Variants in ALOX15B observed in about 807,000 individuals in gnomAD.
ALOX15B encodes polyunsaturated fatty acid lipoxygenase ALOX15B.
Under a neutral mutation model 73.8 loss-of-function variants are expected in ALOX15B, and 74 were observed. The ratio of observed to expected loss-of-function variants is 1.00; its 90% CI spans 0.83 to 1.22. The LOEUF is 1.22. ALOX15B is among the 50% of genes most tolerant of loss of function. The pLI is 0.00. For synonymous variants in ALOX15B, 353 were observed against 357.2 expected, an observed-to-expected ratio of 0.99 and a Z score of 0.13; for missense variants, 896 against 859.9, an observed-to-expected ratio of 1.04 and a Z score of -0.52.
At position 8,039,723 on chromosome 17, in the gene ALOX15B, G is replaced by A. The variant is rs190700969; in HGVS notation, c.367+118G>A. On this transcript the variant is annotated intron_variant, in intron 2 of 13. Transcript: ENST00000380183. ...GAGCTGGTGTGGCCACAGAGTAGCG[G>A]GCAGAGGAGAGGGAATGGCGGAGCC... 4.6e-4 allele frequency: 565 copies of A among 1,240,572 alleles called. 7 individuals carry two copies. The East Asian group carries it at 9.8e-3, about 22-fold the overall frequency. The allele number at this position is 1,240,572 out of a possible 1,614,324, so 76.8% of individuals were successfully genotyped here. A position where few individuals can be genotyped will look rare whatever the true frequency, so the allele number is the denominator to read the frequency against.
In ALOX15B at chr17:8,045,378, C is replaced by A; in HGVS notation, c.990C>A (p.Ala330=). 6.2e-7 allele frequency: 1 copy of A among 1,614,082 alleles called. No homozygotes were observed. Among genetic ancestry groups the A allele is most frequent in the Non-Finnish European group, 8.5e-7 (1 of 1,180,040 alleles). The part of the protein sequence containing the change: ...SPGCGPLLPL[A]IQLSQTPGPN... ...GCTGCGGGCCGCTGCTGCCTCTCGC[C>A]ATCCAGGTATGCAGTCAGGCAGGGG... The change falls in exon 7 of 14, where the codon GCC becomes GCA. Residue 330 remains alanine (A), a synonymous_variant. Coordinates refer to ENST00000380183, the MANE Select transcript of ALOX15B (RefSeq NM_001141.3).
intron 10 of ALOX15B, 69 bp downstream of exon 10, chr17:8,047,145 C>T: frequency 1.9e-6 from 3 of 1,607,710 alleles, no homozygotes; most frequent in Non-Finnish European, 2.6e-6. Flanking sequence ...GAGACTGAGG[C>T]CCCAGGGAGG....
chr17:8,040,583 AAGAGAGAAAGAAAG>A (rs1976414988), intron 3 of ALOX15B, among the ~76,000 whole-genome samples: 1 of 121,924 alleles, frequency 8.2e-6, no homozygotes, highest in African/African-American at 3.3e-5. Flanking sequence ...AAAGGAAGGA[AAGAGAGAAAGAAAG>A]AGAGAGAAAG....
In ALOX15B at chr17:8,046,717, G is replaced by A. The variant is rs542223285; in HGVS notation, c.1250G>A (p.Arg417Gln). ...ACCCTGCACATCAACACACTCGCCC[G>A]GGAGCTGCTTATCGTGCCAGGGCAG... ...RYTLHINTLA[R>Q]ELLIVPGQVV... The change falls in exon 9 of 14, where the codon CGG becomes CAG. Residue 417 changes from arginine to glutamine, a missense_variant. Physicochemically the swap from Arg to Gln is conservative, Grantham distance 43. Coordinates refer to ENST00000380183, the MANE Select transcript of ALOX15B (RefSeq NM_001141.3). The A allele has an allele frequency of 1.4e-4, 226 of 1,613,700 alleles. 6 individuals are homozygous for A. The South Asian group carries it at 2.3e-3, about 16-fold the overall frequency.
Position 8,039,991 on chromosome 17 carries a change from G to T in ALOX15B, c.449+8G>T, listed in dbSNP as rs1197718635. ...CCGGCAGGAGATGTACCAGTGAGGA[G>T]GGGGTTACTGATGGGGGAGGGTGTG... On this transcript the variant is annotated splice_region_variant and intron_variant, in intron 3 of 13. Transcript: ENST00000380183. The T allele has an allele frequency of 6.2e-7, 1 of 1,612,764 alleles. No homozygotes were observed.
chr17:8,047,046 A>G lies in ALOX15B; in HGVS notation c.1427A>G (p.Asp476Gly). The G allele has an allele frequency of 6.2e-7, 1 of 1,613,878 alleles. No homozygotes were observed. The highest frequency in any genetic ancestry group is 8.5e-7 in the Non-Finnish European group (1 of 1,179,984). ...ATCCCAGGCTACTACTACCGTGATG[A>G]TGGGATGCAGATCTGGGGTGCAGTG... ...EDIPGYYYRD[D>G]GMQIWGAVER... is the part of the protein sequence containing the mutation. Residue 476 changes from aspartate (D) to glycine (G), a missense_variant, in exon 10 of 14, where the codon GAT becomes GGT. By Grantham distance (94) the Asp-to-Gly change is moderately conservative. Coordinates refer to ENST00000380183, the MANE Select transcript of ALOX15B (RefSeq NM_001141.3).
chr17:8,042,567 G>A (rs1976491315), intron 4 of ALOX15B, 76 bp downstream of exon 4: 1 of 1,565,604 alleles, frequency 6.4e-7, no homozygotes, highest in African/African-American at 1.3e-5. Flanking sequence ...CCCCTAGTCA[G>A]TTCCCCCACC....
chr17:8,047,518 T>C (rs370551920), intron 11 of ALOX15B, 46 bp from the exon 12 acceptor site: 30 of 1,563,838 alleles, frequency 1.9e-5, no homozygotes, highest in East Asian at 2.3e-5. Context: ...CGCAGCAGGG[T>C]CCTCAGGTCC....
rs767993975 is a variant in ALOX15B at position 8,039,311 on chromosome 17, G to A, written c.147+9G>A. The A allele has an allele frequency of 3.2e-6, 5 of 1,586,902 alleles. No homozygotes were observed. Among genetic ancestry groups the A allele is most frequent in the South Asian group, 1.2e-5 (1 of 86,252 alleles). ...AGTTCACTGCGGGCGCTGTGAGTGCGTGGGAGTGGATGGGGTGGAGGTGAA... is the reference window on the plus strand; with the variant it reads ...AGTTCACTGCGGGCGCTGTGAGTGCATGGGAGTGGATGGGGTGGAGGTGAA... On this transcript the variant is annotated intron_variant, in intron 1 of 13. Coordinates refer to ENST00000380183, the MANE Select transcript of ALOX15B (RefSeq NM_001141.3).
chr17:8,047,599 G>C lies in ALOX15B; in HGVS notation c.1615G>C (p.Val539Leu). The change falls in exon 12 of 14, where the codon GTG (valine) becomes CTG (leucine). Residue 539 changes from valine (V) to leucine (L), a missense_variant. Val to Leu is a conservative substitution (Grantham distance 32). Transcript: ENST00000380183. ...PSSLETREAL[V>L]QYVTMVIFTC... ...CTCACTGGAGACCCGGGAAGCCCTG[G>C]TGCAGTATGTCACCATGGTGATATT... 1 of 1,610,006 alleles carries C rather than the reference G, an allele frequency of 6.2e-7. No individual in the cohort carries two copies. The highest frequency in any genetic ancestry group is 8.5e-7 in the Non-Finnish European group (1 of 1,178,088).
intron 7 of ALOX15B, 31 bp downstream of exon 7, chr17:8,045,415 G>A (rs375550194): frequency 2.2e-5 from 36 of 1,613,580 alleles, no homozygotes; most frequent in Non-Finnish European, 3.1e-5. Flanking sequence ...AGGGCAGCGT[G>A]AAGAAGAGTC....
Position 8,039,999 on chromosome 17 carries a change from C to T in ALOX15B, c.449+16C>T. The stretch of plus-strand genomic sequence containing the variant: ...AGATGTACCAGTGAGGAGGGGGTTA[C>T]TGATGGGGGAGGGTGTGCCCAAACG... On this transcript the variant is annotated intron_variant, in intron 3 of 13. Transcript: ENST00000380183. 1.9e-6 allele frequency: 3 copies of T among 1,611,256 alleles called. No individual in the cohort carries two copies.
Position 8,045,488 on chromosome 17 carries a change from C to T in ALOX15B, c.1002C>T (p.Ser334=), listed in dbSNP as rs756436138. 7.4e-6 allele frequency: 12 copies of T among 1,614,152 alleles called. No homozygotes were observed. The Admixed American group carries it at 1.8e-4, about 25-fold the overall frequency. The change falls in exon 8 of 14, where the codon AGC becomes AGT. Residue 334 remains serine (S), a synonymous_variant. Coordinates refer to ENST00000380183, the MANE Select transcript of ALOX15B (RefSeq NM_001141.3). ...GPLLPLAIQL[S]QTPGPNSPIF... ...CCCCACCTGCCTCCCCCCAGCTCAGCCAGACCCCCGGCCCAAACAGCCCCA... is the reference window on the plus strand; with the variant it reads ...CCCCACCTGCCTCCCCCCAGCTCAGTCAGACCCCCGGCCCAAACAGCCCCA...
Position 8,047,258 on chromosome 17 carries a change from C to T in ALOX15B, c.1458C>T (p.Arg486=), listed in dbSNP as rs941528002. 13 of 1,613,962 alleles carry T rather than the reference C, an allele frequency of 8.1e-6. No homozygotes were observed. Among genetic ancestry groups the T allele is most frequent in the African/African-American group, 2.7e-5 (2 of 74,972 alleles). The change falls in exon 11 of 14, where the codon CGC becomes CGT. Residue 486 remains arginine (R), a splice_region_variant and synonymous_variant. Transcript: ENST00000380183. ...DGMQIWGAVE[R]FVSEIIGIYY... is the part of the protein sequence containing the mutation. The stretch of plus-strand genomic sequence containing the variant: ...GGACCTGAACCTGGATGCATTGCAG[C>T]TTTGTCTCTGAAATCATCGGTATCT...
chr17:8,047,774 G>T lies in ALOX15B; in HGVS notation c.1710G>T (p.Leu570=), dbSNP rs754875603. The change falls in exon 13 of 14, where the codon CTG becomes CTT. Residue 570 remains leucine (L), a synonymous_variant. Transcript: ENST00000380183. ...ACTCCTGTGCTTGGATGCCCAACCT[G>T]CCACCCAGCATGCAGCTGCCACCAC... ...QFDSCAWMPN[L]PPSMQLPPPT... is the part of the protein sequence containing the mutation. 29 of 1,613,986 alleles carry T rather than the reference G, an allele frequency of 1.8e-5. No individual in the cohort carries two copies. The Admixed American group carries it at 1.8e-4, about 10-fold the overall frequency.
chr17:8,039,766 G>A (rs555338663), intron 2 of ALOX15B, 136 bp from the exon 3 acceptor site: 2 of 1,186,042 alleles, frequency 1.7e-6, no homozygotes, highest in South Asian at 2.9e-5. Flanking sequence ...GCGGGAGGTA[G>A]CAGCCTGGTG....
At chr17:8,040,623 G>GAAAGAAAGAAAGAA (rs1976426207) in intron 3 of ALOX15B, among the ~76,000 whole-genome samples, 1 of 127,804 alleles carries the variant, frequency 7.8e-6, no homozygotes, top group African/African-American at 2.7e-5. Context: ...AAGAAAGAAA[G>GAAAGAAAGAAAGAA]AAAGAAAGAA....
chr17:8,045,690 A>G lies in ALOX15B; in HGVS notation c.1200+4A>G, dbSNP rs1271837503. ...CCACTGCCACCCTCTCTTCAAGGTC[A>G]GTGGCTTGACAAGGTGGCCCAGCCT... is the stretch of plus-strand genomic sequence containing the variant. On this transcript the variant is annotated splice_donor_region_variant and intron_variant, in intron 8 of 13. Coordinates refer to ENST00000380183, the MANE Select transcript of ALOX15B (RefSeq NM_001141.3). The G allele has an allele frequency of 6.2e-7, 1 of 1,613,188 alleles. No individual in the cohort carries two copies. Among genetic ancestry groups the G allele is most frequent in the Non-Finnish European group, 8.5e-7 (1 of 1,179,870 alleles).
intron 2 of ALOX15B, 56 bp from the exon 3 acceptor site, chr17:8,039,846 G>A: frequency 6.6e-7 from 1 of 1,519,336 alleles, no homozygotes; most frequent in Non-Finnish European, 9.0e-7. Flanking sequence ...TGTGTGGCTG[G>A]TGGTAGTGAT....
Sources: allele counts gnomAD v4.1 joint callset (sites outside exome capture counted in the v4.1 genomes callset), GRCh38; gene constraint gnomAD v4.1.1; transcripts MANE v1.5; gene names NCBI Gene and HGNC (gene_info 2026-07-23, HGNC 2026-07-21).